Variants in ERMARD observed in about 807,000 individuals in gnomAD.
The protein encoded by ERMARD is endoplasmic reticulum membrane-associated RNA degradation protein.
In ERMARD, 71 loss-of-function variants were observed where a neutral mutation model predicts 83.9. That is an observed-to-expected ratio of 0.85 (90% CI 0.70 to 1.03). The LOEUF is 1.03. Among genes scored for constraint, ERMARD ranks in the 50% least tolerant of loss-of-function variants. The probability of loss-of-function intolerance (pLI) is 0.00; values close to 1 mark genes in which losing one functional copy is unlikely to be tolerated. For missense variants in ERMARD, 838 were observed against 810.9 expected (o/e 1.03, Z -0.41); for synonymous variants, 284 against 298.6 (o/e 0.95, Z 0.50).
intron 5 of ERMARD, among the ~76,000 whole-genome samples, chr6:169,757,032 C>T (rs774539824): frequency 6.6e-6 from 1 of 152,134 alleles, no homozygotes; most frequent in Non-Finnish European, 1.5e-5. Flanking sequence ...ATAAACCCAT[C>T]AGATCTCATG....
At chr6:169,765,015 C>T (rs1032473671) in intron 9 of ERMARD, among the ~76,000 whole-genome samples, 7 of 152,256 alleles carry the variant, frequency 4.6e-5, no homozygotes, top group African/African-American at 1.7e-4. Flanking sequence ...GTTGCTGTCG[C>T]CTGCTGCCCA....
chr6:169,774,952 TC>T (rs1793405742), intron 13 of ERMARD, among the ~76,000 whole-genome samples: 1 of 152,196 alleles, frequency 6.6e-6, no homozygotes, highest in African/African-American at 2.4e-5. Context: ...CCTGCTGTGT[TC>T]TGTTGGTTCC....
rs1357877488 is a variant in ERMARD at position 169,753,959 on chromosome 6, C to T, written c.102C>T (p.Ile34=). The T allele has an allele frequency of 6.2e-7, 1 of 1,613,350 alleles. No individual in the cohort carries two copies. Among genetic ancestry groups the T allele is most frequent in the African/African-American group, 1.3e-5 (1 of 74,874 alleles). The part of the protein sequence containing the change: ...LGFQLRENCD[I]NSIVTQNGEV... Reference sequence around the variant, plus strand: ...TTCAACTCAGAGAAAATTGTGATATCAATAGCATTGTAACTCAGAATGGTG... The same window carrying T: ...TTCAACTCAGAGAAAATTGTGATATTAATAGCATTGTAACTCAGAATGGTG... Residue 34 remains isoleucine, a synonymous_variant, in exon 2 of 18, where the codon ATC becomes ATT. Coordinates refer to ENST00000366773, the MANE Select transcript of ERMARD (RefSeq NM_018341.3).
chr6:169,779,016 A>T (rs926890174), intron 16 of ERMARD, among the ~76,000 whole-genome samples, 166 bp from the exon 17 acceptor site: 1 of 152,276 alleles, frequency 6.6e-6, no homozygotes, highest in Non-Finnish European at 1.5e-5. Context: ...CCTGCCGGCC[A>T]CGGGCCTCGG....
At chr6:169,766,598 T>C (rs1008378115) in intron 9 of ERMARD, 40 bp from the exon 10 acceptor site, 22 of 1,524,562 alleles carry the variant, frequency 1.4e-5, no homozygotes, top group Non-Finnish European at 1.9e-5. Context: ...ATTTGTATTT[T>C]GCTTTAATTG....
intron 10 of ERMARD, 108 bp from the exon 11 acceptor site, chr6:169,767,995 C>T: frequency 2.4e-6 from 2 of 839,988 alleles, no homozygotes; most frequent in Non-Finnish European, 3.9e-6. Flanking sequence ...TTTGCTTAGA[C>T]CTTAGATAAC....
intron 1 of ERMARD, chr6:169,753,179 C>G (rs1045729920): frequency 1.9e-5 from 3 of 154,350 alleles, no homozygotes; most frequent in African/African-American, 7.2e-5. Flanking sequence ...CTTAACTGGT[C>G]TGGTAAGTCT....
In ERMARD at chr6:169,776,476, G is replaced by A. The variant is rs1159867470; in HGVS notation, c.1542G>A (p.Glu514=). 2.5e-6 allele frequency: 4 copies of A among 1,614,036 alleles called. No individual in the cohort carries two copies. Among genetic ancestry groups the A allele is most frequent in the African/African-American group, 2.7e-5 (2 of 75,042 alleles). The change falls in exon 16 of 18, where the codon GAG becomes GAA. Residue 514 remains glutamate, a synonymous_variant. Coordinates refer to ENST00000366773, the MANE Select transcript of ERMARD (RefSeq NM_018341.3). ...GCAGGTGGCCCCAGCTTCTCCGTGA[G>A]CTCTGCAGCACACCTGTTCCCACCC... is the stretch of plus-strand genomic sequence containing the variant. The part of the protein sequence containing the change: ...PTETWPQLLR[E]LCSTPVPTLF...
intron 9 of ERMARD, among the ~76,000 whole-genome samples, chr6:169,766,151 A>G (rs1294751231): frequency 6.6e-6 from 1 of 152,256 alleles, no homozygotes; most frequent in Admixed American, 6.5e-5. Flanking sequence ...TGTAGGTTTC[A>G]TGTCTAGAAA....
chr6:169,766,842 G>C (rs762527819), intron 10 of ERMARD, among the ~76,000 whole-genome samples, 175 bp downstream of exon 10: 1 of 152,136 alleles, frequency 6.6e-6, no homozygotes, highest in African/African-American at 2.4e-5. Context: ...TAATTTTGGG[G>C]CCCAGTGTTA....
In ERMARD at chr6:169,768,179, T is replaced by G; in HGVS notation, c.1059+8T>G. On this transcript the variant is annotated splice_region_variant and intron_variant, in intron 11 of 17. Transcript: ENST00000366773. ...CTTGGAGAGCCTGCTATGGTAAGTATTAGGTATTTTCCAGGCTAATATTCT... is the reference window on the plus strand; with the variant it reads ...CTTGGAGAGCCTGCTATGGTAAGTAGTAGGTATTTTCCAGGCTAATATTCT... 3 of 1,611,482 alleles carry G rather than the reference T, an allele frequency of 1.9e-6. No homozygotes were observed. In the African/African-American group the frequency reaches 4.0e-5, roughly 21 times the overall value.
At chr6:169,777,637 T>C (rs1347153313) in intron 16 of ERMARD, among the ~76,000 whole-genome samples, 1 of 152,200 alleles carries the variant, frequency 6.6e-6, no homozygotes, top group African/African-American at 2.4e-5. Flanking sequence ...ATGAACTCTA[T>C]GGACATTTAA....
At chr6:169,757,969 C>G (rs1220989470) in intron 5 of ERMARD, among the ~76,000 whole-genome samples, 2 of 152,232 alleles carry the variant, frequency 1.3e-5, no homozygotes, top group African/African-American at 4.8e-5. Context: ...TGCCAGGTCA[C>G]TGGCATTTAT....
chr6:169,759,934 C>A lies in ERMARD; in HGVS notation c.702C>A (p.Phe234Leu). Residue 234 changes from phenylalanine to leucine, a missense_variant, in exon 7 of 18, where the codon TTC (phenylalanine) becomes TTA (leucine). Physicochemically the swap from Phe to Leu is conservative, Grantham distance 22. Transcript: ENST00000366773. ...AACTTACATTGGCACATCGCTCTTT[C>A]ATATCTCTTACAAACCTCGAGGATT... ...NTKLTLAHRSFISLTNLEDLI... is the reference protein window; with the variant it reads ...NTKLTLAHRSLISLTNLEDLI... The A allele has an allele frequency of 6.2e-7, 1 of 1,614,206 alleles. No homozygotes were observed.
chr6:169,758,918 G>T, intron 5 of ERMARD, 50 bp from the exon 6 acceptor site: 1 of 1,489,186 alleles, frequency 6.7e-7, no homozygotes, highest in Non-Finnish European at 9.3e-7. Flanking sequence ...TACTATATTG[G>T]TTTATTCAGT....
intron 7 of ERMARD, 32 bp downstream of exon 7, chr6:169,760,006 G>T (rs552269370): frequency 1.9e-6 from 3 of 1,613,056 alleles, no homozygotes; most frequent in Non-Finnish European, 2.5e-6. Context: ...TTTCCTTATA[G>T]CTTTGCGTAG....
At chr6:169,758,937 A>T (rs1023695267) in intron 5 of ERMARD, 31 bp from the exon 6 acceptor site, 6 of 1,558,146 alleles carry the variant, frequency 3.9e-6, no homozygotes, top group African/African-American at 1.4e-5. Flanking sequence ...GTAATTCAGT[A>T]TAATTAACTA....
At position 169,755,294 on chromosome 6, in the gene ERMARD, G is replaced by C; in HGVS notation, c.187G>C (p.Asp63His). The stretch of plus-strand genomic sequence containing the variant: ...TCTTATCCTTTAAGAGCAGGGTCTG[G>C]ATTACTGGGGAAGCGTGAGGCTGCT... ...VSYTESEQGL[D>H]YWGSVRLLGP... The change falls in exon 3 of 18, where the codon GAT becomes CAT. Residue 63 changes from aspartate to histidine, a missense_variant. Physicochemically the swap from Asp to His is moderately conservative, Grantham distance 81. Transcript: ENST00000366773. 1 of 1,614,018 alleles carries C rather than the reference G, an allele frequency of 6.2e-7. No homozygotes were observed.
intron 11 of ERMARD, among the ~76,000 whole-genome samples, chr6:169,768,895 T>G (rs547521346): frequency 8.5e-5 from 13 of 152,388 alleles, no homozygotes; most frequent in African/African-American, 3.1e-4. Flanking sequence ...TAATTTGGAC[T>G]ACAATAGGTA....
Sources: gnomAD v4.1 joint callset for allele counts (sites outside exome capture counted in the v4.1 genomes callset) on GRCh38, gnomAD v4.1.1 for gene constraint, MANE v1.5 for transcripts, NCBI Gene and HGNC (gene_info 2026-07-23, HGNC 2026-07-21) for gene names.